Variants in ZFP14 observed in about 807,000 individuals in gnomAD.
ZFP14 encodes the protein ZFP14 zinc finger protein.
Under a neutral mutation model 54.5 loss-of-function variants are expected in ZFP14, and 22 were observed. That is an observed-to-expected ratio of 0.40 (90% CI 0.29 to 0.58). The LOEUF is 0.58. Among genes scored for constraint, ZFP14 ranks in the 20% least tolerant of loss-of-function variants. ZFP14 has a pLI of 0.39. For synonymous variants in ZFP14, 159 were observed against 204.0 expected (o/e 0.78, Z 1.88); for missense variants, 470 against 637.8 (o/e 0.74, Z 2.83).
intron 4 of ZFP14, among the ~76,000 whole-genome samples, chr19:36,358,096 T>TATC (rs1456244680): frequency 0.029 from 2,956 of 103,058 alleles, 46 homozygotes; most frequent in African/African-American, 0.052. Context: ...ATCTATCATC[T>TATC]ATCTATCTAT....
At chr19:36,374,710 G>A (rs985532879) in intron 1 of ZFP14, among the ~76,000 whole-genome samples, 1 of 151,964 alleles carries the variant, frequency 6.6e-6, no homozygotes, top group Non-Finnish European at 1.5e-5. Flanking sequence ...GAAAATACCA[G>A]CATGTGTAGT....
Position 36,339,230 on chromosome 19 carries a change from CTAA to C in ZFP14, c.*991_*993del, listed in dbSNP as rs1235060024. The stretch of plus-strand genomic sequence containing the variant: ...TTCCTTTTACGTGAATTCACTAATA[CTAA>C]TGACAATAATAACAATTACAGATAA... On this transcript the variant is annotated 3_prime_UTR_variant, in exon 5 of 5. Transcript: ENST00000270001. 2.0e-5 allele frequency: 3 copies of C among 152,166 alleles called. No individual in the cohort carries two copies. In the East Asian group the frequency reaches 5.8e-4, roughly 29 times the overall value. 9.4% of individuals were successfully genotyped at this position (152,166 alleles called of 1,614,324 possible).
intron 3 of ZFP14, among the ~76,000 whole-genome samples, chr19:36,361,250 T>A (rs1398330572): frequency 6.6e-6 from 1 of 152,106 alleles, no homozygotes; most frequent in East Asian, 1.9e-4. Context: ...TCAGGGTTTT[T>A]TCTGTTTGAG....
At position 36,341,639 on chromosome 19, in the gene ZFP14, A is replaced by G. The variant is rs1411428921; in HGVS notation, c.236-49T>C. 1 of 1,496,400 alleles carries G rather than the reference A, an allele frequency of 6.7e-7. No homozygotes were observed. The highest frequency in any genetic ancestry group is 8.9e-7 in the Non-Finnish European group (1 of 1,129,016). 92.7% of individuals were successfully genotyped at this position (1,496,400 alleles called of 1,614,324 possible). A position where few individuals can be genotyped will look rare whatever the true frequency, so the allele number is the denominator to read the frequency against. On this transcript the variant is annotated intron_variant, in intron 4 of 4. Coordinates refer to ENST00000270001, the MANE Select transcript of ZFP14 (RefSeq NM_020917.3). The surrounding 1 kb of genome is among the most constrained non-coding windows in gnomAD (Gnocchi z 4.2). The stretch of plus-strand genomic sequence containing the variant: ...TACATACTGTTTTCCTGTTCCAGAA[A>G]GAAAAAACAAACAAACAAAAAAACC...
chr19:36,364,253 C>CAT (rs2031757539), intron 2 of ZFP14, among the ~76,000 whole-genome samples: 1 of 152,132 alleles, frequency 6.6e-6, no homozygotes. Context: ...TTGTTCGATG[C>CAT]ATATATTCAG....
rs1383639902 is a variant in ZFP14, at chr19:36,339,674, T to C, written c.*550A>G. 6 of 152,328 alleles carry C rather than the reference T, an allele frequency of 3.9e-5. No individual in the cohort carries two copies. The highest frequency in any genetic ancestry group is 3.3e-4 in the Admixed American group (5 of 15,258). 9.4% of individuals were successfully genotyped at this position (152,328 alleles called of 1,614,324 possible). On this transcript the variant is annotated 3_prime_UTR_variant, in exon 5 of 5. Transcript: ENST00000270001. ...ACAGGCCTCACGGAAATACATTGGG[T>C]AACAACTATGTTAGTCTGGATGTGG...
chr19:36,341,328 A>G lies in ZFP14; in HGVS notation c.498T>C (p.His166=). 6.2e-7 allele frequency: 1 copy of G among 1,614,172 alleles called. No homozygotes were observed. Among genetic ancestry groups the G allele is most frequent in the East Asian group, 2.2e-5 (1 of 44,884 alleles). The change falls in exon 5 of 5, where the codon CAT becomes CAC. Residue 166 remains histidine, a synonymous_variant. Transcript: ENST00000270001. The surrounding 1 kb of genome is among the most constrained non-coding windows in gnomAD (Gnocchi z 4.2). ...TACACTCATACACCTTTTCTCCATT[A>G]TGAACGATCTGATACTCAGTAAGAA... is the stretch of plus-strand genomic sequence containing the variant. ...HNFLTEYQIV[H]NGEKVYECKE...
rs2031604267 is a variant in ZFP14, at chr19:36,355,865, C to A, written c.235+4570G>T. Among the ~76,000 whole-genome samples, 2 of 141,798 alleles carry A rather than the reference C, an allele frequency of 1.4e-5. 1 individual carries two copies. The highest frequency in any genetic ancestry group is 4.5e-4 in the South Asian group (2 of 4,446). 93.0% of individuals were successfully genotyped at this position (141,798 alleles called of 152,430 possible). Reference sequence around the variant, plus strand: ...AGAAAATACATATCTGGTGTTTAAGCCACCCAGACTATGGTATTCTGTTAC... The same window carrying A: ...AGAAAATACATATCTGGTGTTTAAGACACCCAGACTATGGTATTCTGTTAC... On this transcript the variant is annotated intron_variant, in intron 4 of 4. Coordinates refer to ENST00000270001, the MANE Select transcript of ZFP14 (RefSeq NM_020917.3).
intron 4 of ZFP14, among the ~76,000 whole-genome samples, chr19:36,356,979 T>C (rs2031624199): frequency 6.6e-6 from 1 of 152,158 alleles, no homozygotes; most frequent in Non-Finnish European, 1.5e-5. Flanking sequence ...CACCCATTCA[T>C]CTGCTTATTG....
intron 4 of ZFP14, chr19:36,360,172 T>C: frequency 3.8e-6 from 1 of 266,624 alleles, no homozygotes; most frequent in East Asian, 6.5e-5. Flanking sequence ...TATTTTTTCT[T>C]CTACCAGGAA....
At chr19:36,363,922 G>A (rs544187280) in intron 2 of ZFP14, among the ~76,000 whole-genome samples, 2 of 151,950 alleles carry the variant, frequency 1.3e-5, no homozygotes, top group East Asian at 1.9e-4. Context: ...CCCAGGAGAC[G>A]GAGGTTGCAG....
In ZFP14 at chr19:36,339,051, G is replaced by A. The variant is rs538525422; in HGVS notation, c.*1173C>T. ...GTATTACTAGTGACCTCACATTCAT[G>A]AAATTCATTTTTGGCATGAAATTTC... On this transcript the variant is annotated 3_prime_UTR_variant, in exon 5 of 5. Transcript: ENST00000270001. 1 of 152,244 alleles carries A rather than the reference G, an allele frequency of 6.6e-6. No homozygotes were observed. Among genetic ancestry groups the A allele is most frequent in the South Asian group, 2.1e-4 (1 of 4,828 alleles). 9.4% of individuals were successfully genotyped at this position (152,244 alleles called of 1,614,324 possible).
chr19:36,367,740 A>C, intron 2 of ZFP14, 144 bp downstream of exon 2: 1 of 872,644 alleles, frequency 1.1e-6, no homozygotes, highest in Non-Finnish European at 1.6e-6. Flanking sequence ...CTGGGATTAC[A>C]GGCGTGAGCC....
In ZFP14 at chr19:36,371,112, A is replaced by T. The variant is rs545236866; in HGVS notation, c.-79-3141T>A. Reference sequence around the variant, plus strand: ...CCCATCTCTACTAAAAAATACAAAAAAATTAGGCGGGCATGCTGGTGGGTG... The same window carrying T: ...CCCATCTCTACTAAAAAATACAAAATAATTAGGCGGGCATGCTGGTGGGTG... On this transcript the variant is annotated intron_variant, in intron 1 of 4. Transcript: ENST00000270001. 5.9e-5 allele frequency among the ~76,000 whole-genome samples: 9 copies of T among 152,146 alleles called. No homozygotes were observed. In the East Asian group the frequency reaches 1.5e-3, roughly 26 times the overall value.
intron 4 of ZFP14, among the ~76,000 whole-genome samples, chr19:36,342,742 C>T (rs2031345036): frequency 6.6e-6 from 1 of 151,966 alleles, no homozygotes; most frequent in Non-Finnish European, 1.5e-5. Context: ...TGGTATATTC[C>T]TCTGGGGAGG....
chr19:36,358,886 G>A (rs1256173503), intron 4 of ZFP14, among the ~76,000 whole-genome samples: 1 of 152,148 alleles, frequency 6.6e-6, no homozygotes, highest in Non-Finnish European at 1.5e-5. Flanking sequence ...GGATTGGTGA[G>A]TTAATCGATT....
chr19:36,341,243 T>C lies in ZFP14; in HGVS notation c.583A>G (p.Thr195Ala). ...TTACACTTATAAGGTTTCTCACCAG[T>C]ATGAATTCTCAGGTGTTGACTAAGT... is the stretch of plus-strand genomic sequence containing the variant. ...STLSQHLRIH[T>A]GEKPYKCKEC... Residue 195 changes from threonine to alanine, a missense_variant, in exon 5 of 5, where the codon ACT (threonine) becomes GCT (alanine). Thr to Ala is a moderately conservative substitution (Grantham distance 58). Coordinates refer to ENST00000270001, the MANE Select transcript of ZFP14 (RefSeq NM_020917.3). This position sits in a 1 kb window ranked among gnomAD's most constrained non-coding sequence, Gnocchi z 4.2. The C allele has an allele frequency of 1.2e-6, 2 of 1,614,208 alleles. No homozygotes were observed. The highest frequency in any genetic ancestry group is 4.5e-5 in the East Asian group (2 of 44,886).
intron 4 of ZFP14, among the ~76,000 whole-genome samples, chr19:36,342,008 C>G (rs534919702): frequency 5.3e-5 from 8 of 151,522 alleles, no homozygotes. Flanking sequence ...CCTGCCACCA[C>G]GCCCGGCTAA....
chr19:36,372,761 T>G (rs2031898996), intron 1 of ZFP14, among the ~76,000 whole-genome samples: 1 of 152,228 alleles, frequency 6.6e-6, no homozygotes, highest in South Asian at 2.1e-4. Context: ...ATGTTTATTA[T>G]AGCATTATTC....
Sources: allele counts gnomAD v4.1 joint callset (sites outside exome capture counted in the v4.1 genomes callset), GRCh38; gene constraint gnomAD v4.1.1; non-coding constraint Gnocchi (gnomAD v3.1); transcripts MANE v1.5; gene names NCBI Gene and HGNC (gene_info 2026-07-23, HGNC 2026-07-21).